NMNAT2: variants seen among roughly 807,000 people sequenced by gnomAD.
The protein encoded by NMNAT2 is nicotinamide nucleotide adenylyltransferase 2.
NMNAT2 carries 11 observed loss-of-function variants against 41.6 expected under a neutral mutation model. The ratio of observed to expected loss-of-function variants is 0.26; its 90% CI spans 0.17 to 0.44. The LOEUF (loss-of-function observed/expected upper bound fraction) is 0.44, where lower values mean the gene tolerates loss of function less well. Among genes scored for constraint, NMNAT2 ranks in the 20% least tolerant of loss-of-function variants. The pLI is 1.00. For synonymous variants in NMNAT2, 148 were observed against 151.2 expected, an observed-to-expected ratio of 0.98 and a Z score of 0.16; for missense variants, 288 against 407.7, an observed-to-expected ratio of 0.71 and a Z score of 2.53.
chr1:183,390,968 A>G (rs980883662), intron 1 of NMNAT2, among the ~76,000 whole-genome samples: 1 of 152,174 alleles, frequency 6.6e-6, no homozygotes, highest in African/African-American at 2.4e-5. Context: ...AAATTAACAC[A>G]AGTTTCAGGC....
chr1:183,384,990 G>A (rs1323789453), intron 1 of NMNAT2, among the ~76,000 whole-genome samples: 1 of 151,910 alleles, frequency 6.6e-6, no homozygotes, highest in Non-Finnish European at 1.5e-5. Context: ...GAGGTCAATA[G>A]TTTGAGACTG....
At chr1:183,259,489 G>C (rs966789962) in intron 10 of NMNAT2, among the ~76,000 whole-genome samples, 7 of 152,168 alleles carry the variant, frequency 4.6e-5, no homozygotes, top group African/African-American at 1.7e-4. Context: ...ACTGCCGGTG[G>C]TCCAGTGGTT....
At chr1:183,303,492 G>A (rs574872385) in intron 1 of NMNAT2, among the ~76,000 whole-genome samples, 2 of 152,328 alleles carry the variant, frequency 1.3e-5, no homozygotes, top group South Asian at 2.1e-4. Flanking sequence ...CGAGATCACA[G>A]AGACAGGAAG....
intron 1 of NMNAT2, among the ~76,000 whole-genome samples, chr1:183,368,999 G>T (rs1049638085): frequency 6.6e-6 from 1 of 152,102 alleles, no homozygotes; most frequent in African/African-American, 2.4e-5. Flanking sequence ...GCCTAATCAC[G>T]GGCATGGGGA....
intron 1 of NMNAT2, among the ~76,000 whole-genome samples, chr1:183,334,708 C>G (rs1662649092): frequency 6.6e-6 from 1 of 151,954 alleles, no homozygotes. Context: ...TGGGGTTTCA[C>G]CATGTTGGCC....
chr1:183,414,918 CTTGT>C (rs1033259871), intron 1 of NMNAT2, among the ~76,000 whole-genome samples: 2 of 151,946 alleles, frequency 1.3e-5, no homozygotes, highest in Non-Finnish European at 1.5e-5. Flanking sequence ...ATTTCAAAGT[CTTGT>C]TTGTGTCTGT....
At chr1:183,323,806 C>T (rs1002524052) in intron 1 of NMNAT2, among the ~76,000 whole-genome samples, 1 of 152,196 alleles carries the variant, frequency 6.6e-6, no homozygotes, top group Non-Finnish European at 1.5e-5. Flanking sequence ...ACCTCTCCCC[C>T]CACAGGAGAC....
At chr1:183,284,825 G>A in intron 5 of NMNAT2, 35 bp from the exon 6 acceptor site, 1 of 1,562,446 alleles carries the variant, frequency 6.4e-7, no homozygotes, top group Non-Finnish European at 8.8e-7. Context: ...GGGACAGAGT[G>A]GGAGAGAACA....
At chr1:183,335,152 G>A (rs751561062) in intron 1 of NMNAT2, among the ~76,000 whole-genome samples, 66 of 152,184 alleles carry the variant, frequency 4.3e-4, no homozygotes, top group Admixed American at 1.3e-3. Context: ...GGGCTTCTGT[G>A]AAAAGTCACC....
chr1:183,302,548 T>C (rs1451267928), intron 1 of NMNAT2, among the ~76,000 whole-genome samples: 1 of 152,208 alleles, frequency 6.6e-6, no homozygotes, highest in Non-Finnish European at 1.5e-5. Context: ...TTCCTAGAGA[T>C]AGCGAATAAC....
chr1:183,342,237 C>A (rs868834010), intron 1 of NMNAT2, among the ~76,000 whole-genome samples: 7 of 151,942 alleles, frequency 4.6e-5, no homozygotes, highest in African/African-American at 1.7e-4. Flanking sequence ...TGCCTGTAAT[C>A]CCAGCACTTT....
At chr1:183,403,120 G>T (rs186654276) in intron 1 of NMNAT2, among the ~76,000 whole-genome samples, 49 of 152,112 alleles carry the variant, frequency 3.2e-4, no homozygotes, top group Admixed American at 9.2e-4. Context: ...TTTTAGTAGA[G>T]ACGGGGTTTC....
chr1:183,269,917 T>C (rs939960951), intron 8 of NMNAT2, among the ~76,000 whole-genome samples: 2 of 152,152 alleles, frequency 1.3e-5, no homozygotes, highest in Admixed American at 1.3e-4. Context: ...AGAGTCTCGC[T>C]CTGTAGCCCA....
At chr1:183,327,915 C>T (rs1301253461) in intron 1 of NMNAT2, among the ~76,000 whole-genome samples, 1 of 152,152 alleles carries the variant, frequency 6.6e-6, no homozygotes, top group African/African-American at 2.4e-5. Context: ...TTCAGAGGAG[C>T]TGGCACTGAA....
At chr1:183,401,111 A>G (rs1229577506) in intron 1 of NMNAT2, among the ~76,000 whole-genome samples, 1 of 152,236 alleles carries the variant, frequency 6.6e-6, no homozygotes, top group Admixed American at 6.5e-5. Context: ...AGAAACTGCC[A>G]TCAGAGTTAA....
intron 1 of NMNAT2, among the ~76,000 whole-genome samples, chr1:183,389,606 C>T (rs1398450068): frequency 6.6e-6 from 1 of 151,276 alleles, no homozygotes; most frequent in African/African-American, 2.4e-5. Context: ...CAGGGGGGCA[C>T]ATGCCTGTAG....
intron 1 of NMNAT2, among the ~76,000 whole-genome samples, chr1:183,413,602 C>CTTTTTTT (rs71130613): frequency 8.5e-4 from 70 of 82,502 alleles, no homozygotes; most frequent in African/African-American, 2.3e-3. Flanking sequence ...TCTTTTCTTT[C>CTTTTTTT]TTTTTTTTTT....
At chr1:183,262,948 A>G (rs1660701371) in intron 8 of NMNAT2, among the ~76,000 whole-genome samples, 1 of 152,202 alleles carries the variant, frequency 6.6e-6, no homozygotes, top group Non-Finnish European at 1.5e-5. Context: ...TCTCTAAACA[A>G]GTGGCACAAA....
intron 10 of NMNAT2, among the ~76,000 whole-genome samples, chr1:183,258,215 CT>C (rs1660568493): frequency 6.6e-6 from 1 of 152,162 alleles, no homozygotes; most frequent in Non-Finnish European, 1.5e-5. Context: ...CTGTTCTCTC[CT>C]AACACAATAG....
Sources: allele counts gnomAD v4.1 joint callset (sites outside exome capture counted in the v4.1 genomes callset), GRCh38; gene constraint gnomAD v4.1.1; transcripts MANE v1.5; gene names NCBI Gene and HGNC (gene_info 2026-07-23, HGNC 2026-07-21).